RGSL1: variants seen among roughly 807,000 people sequenced by gnomAD.
The protein encoded by RGSL1 is regulator of G protein signaling protein-like.
RGSL1 carries 97 observed loss-of-function variants against 124.7 expected under a neutral mutation model. The observed-to-expected ratio is 0.78, with a 90% CI of 0.66 to 0.92. The LOEUF is 0.92. Ranked by LOEUF, RGSL1 falls within the 40% of genes least tolerant of loss-of-function variation. The probability of loss-of-function intolerance (pLI) is 0.00; values close to 1 mark genes in which losing one functional copy is unlikely to be tolerated. For missense variants in RGSL1, 1,233 were observed against 1,288.4 expected (o/e 0.96, Z 0.66); for synonymous variants, 424 against 438.1 (o/e 0.97, Z 0.40).
At chr1:182,553,790 G>A (rs563609841) in intron 19 of RGSL1, among the ~76,000 whole-genome samples, 3 of 152,124 alleles carry the variant, frequency 2.0e-5, no homozygotes, top group South Asian at 2.1e-4. Context: ...TTGTAACCCC[G>A]GGAAGGCAGG....
intron 4 of RGSL1, 100 bp downstream of exon 4, chr1:182,460,233 T>C (rs1652708347): frequency 2.2e-6 from 3 of 1,372,594 alleles, no homozygotes; most frequent in Non-Finnish European, 2.9e-6. Flanking sequence ...CCTGTATGTG[T>C]GTGTGTGTGT....
intron 14 of RGSL1, among the ~76,000 whole-genome samples, chr1:182,534,775 C>T (rs1167151079): frequency 1.3e-5 from 2 of 151,394 alleles, no homozygotes; most frequent in Admixed American, 1.3e-4. Context: ...TGCAGTGATC[C>T]GAGATTGCAC....
upstream of RGSL1, chr1:182,449,130 G>GT (rs1400182268): frequency 2.0e-5 from 3 of 152,118 alleles, no homozygotes; most frequent in Non-Finnish European, 4.4e-5. Context: ...AATTAATAAG[G>GT]TGAATAAGGT....
chr1:182,557,487 T>A (rs1181798924), intron 21 of RGSL1, among the ~76,000 whole-genome samples: 1 of 152,216 alleles, frequency 6.6e-6, no homozygotes, highest in Non-Finnish European at 1.5e-5. Context: ...GACAAGGATC[T>A]AGCAAAATAC....
intron 9 of RGSL1, among the ~76,000 whole-genome samples, chr1:182,519,093 C>T (rs1658136115): frequency 6.6e-6 from 1 of 151,886 alleles, no homozygotes; most frequent in African/African-American, 2.4e-5. Flanking sequence ...ATATAGATTT[C>T]CAAATGCATC....
chr1:182,467,732 A>G (rs1364852867), intron 4 of RGSL1, among the ~76,000 whole-genome samples: 3 of 152,236 alleles, frequency 2.0e-5, no homozygotes, highest in Admixed American at 6.5e-5. Context: ...CTAAAACACC[A>G]AAAGCAATGG....
At chr1:182,461,632 G>A (rs1652843373) in intron 4 of RGSL1, among the ~76,000 whole-genome samples, 1 of 151,668 alleles carries the variant, frequency 6.6e-6, no homozygotes, top group African/African-American at 2.4e-5. Flanking sequence ...AGTGATAAAT[G>A]AACAAAATGG....
At chr1:182,458,252 A>C in intron 2 of RGSL1, 67 bp from the exon 3 acceptor site, 7 of 1,163,952 alleles carry the variant, frequency 6.0e-6, no homozygotes, top group Non-Finnish European at 8.7e-6. Context: ...GTGGCTGTAG[A>C]GGGACTGTGT....
rs1280791463 is a variant in RGSL1, at chr1:182,450,154, G to A, written c.-12G>A. On this transcript the variant is annotated 5_prime_UTR_variant, in exon 1 of 22. Transcript: ENST00000294854. The stretch of plus-strand genomic sequence containing the variant: ...CCCTAACAAATTACTGTGTCAGGAA[G>A]AGCATGGCAACATGAGCAGTGCTGG... 1.3e-6 allele frequency: 2 copies of A among 1,552,044 alleles called. No individual in the cohort carries two copies. Among genetic ancestry groups the A allele is most frequent in the Admixed American group, 2.0e-5 (1 of 51,018 alleles).
At chr1:182,523,649 A>G (rs538802) in intron 10 of RGSL1, among the ~76,000 whole-genome samples, 131,543 of 152,168 alleles carry the variant, frequency 0.86, 57,180 homozygotes, top group Non-Finnish European at 0.89. Flanking sequence ...GACCAAGCAG[A>G]ATAGCTCAGG....
At chr1:182,458,450 T>G in intron 3 of RGSL1, 57 bp downstream of exon 3, 3 of 1,343,004 alleles carry the variant, frequency 2.2e-6, no homozygotes, top group Non-Finnish European at 3.1e-6. Flanking sequence ...GGAACTATAA[T>G]TGTTTTTTGT....
chr1:182,526,186 G>A (rs1658727728), intron 10 of RGSL1, among the ~76,000 whole-genome samples: 1 of 152,120 alleles, frequency 6.6e-6, no homozygotes, highest in Non-Finnish European at 1.5e-5. Context: ...AATATTCCAT[G>A]AACTCTTTGA....
intron 18 of RGSL1, among the ~76,000 whole-genome samples, chr1:182,552,941 C>T (rs1660656890): frequency 6.6e-6 from 1 of 152,098 alleles, no homozygotes; most frequent in South Asian, 2.1e-4. Context: ...TCTTGCTGCC[C>T]AGGCTGGCAA....
intron 4 of RGSL1, chr1:182,471,474 C>T: frequency 2.4e-6 from 1 of 414,568 alleles, no homozygotes; most frequent in South Asian, 1.7e-5. Flanking sequence ...TTATGTGTGT[C>T]TGTGTTGAAT....
At chr1:182,497,316 G>A (rs1655997906) in intron 9 of RGSL1, among the ~76,000 whole-genome samples, 1 of 145,622 alleles carries the variant, frequency 6.9e-6, no homozygotes, top group Admixed American at 6.9e-5. Context: ...TTTTTCAGGA[G>A]ATATATATAT....
At chr1:182,534,418 G>A (rs1659399431) in intron 14 of RGSL1, among the ~76,000 whole-genome samples, 1 of 152,084 alleles carries the variant, frequency 6.6e-6, no homozygotes, top group Admixed American at 6.6e-5. Flanking sequence ...TTTCTTGAAT[G>A]TTTATGCCCT....
chr1:182,546,004 T>C (rs1409513522), intron 15 of RGSL1, among the ~76,000 whole-genome samples: 2 of 152,224 alleles, frequency 1.3e-5, no homozygotes, highest in African/African-American at 4.8e-5. Context: ...ATAAGTTTTC[T>C]TTTCCTTGCT....
intron 21 of RGSL1, 161 bp from the exon 22 acceptor site, chr1:182,560,118 C>G (rs1438355346): frequency 6.6e-6 from 1 of 152,246 alleles, no homozygotes; most frequent in East Asian, 1.9e-4. Context: ...CATGCTTTCA[C>G]TGACCTTATA....
intron 9 of RGSL1, among the ~76,000 whole-genome samples, chr1:182,509,962 C>T (rs1297184615): frequency 8.8e-4 from 109 of 124,016 alleles, no homozygotes; most frequent in African/African-American, 3.4e-3. Context: ...ACTTCTCAGA[C>T]AGGGCGGCCG....
Sources: gnomAD v4.1 joint callset for allele counts (sites outside exome capture counted in the v4.1 genomes callset) on GRCh38, gnomAD v4.1.1 for gene constraint, MANE v1.5 for transcripts, NCBI Gene and HGNC (gene_info 2026-07-23, HGNC 2026-07-21) for gene names.